Variants in NAV2 observed in about 807,000 individuals in gnomAD.
NAV2 encodes helicase, APC down-regulated 1.
In NAV2, 54 loss-of-function variants were observed where a neutral mutation model predicts 223.2. The ratio of observed to expected loss-of-function variants is 0.24; its 90% confidence interval spans 0.19 to 0.30. NAV2 has a LOEUF of 0.30. Among genes scored for constraint, NAV2 ranks in the 10% least tolerant of loss-of-function variants. The pLI, the probability that NAV2 is intolerant of heterozygous loss-of-function variation, is 1.00. For missense variants in NAV2, 2,806 were observed against 3,147.5 expected (o/e 0.89, Z 2.60); for synonymous variants, 1,279 against 1,239.3 (o/e 1.03, Z -0.67).
Position 19,777,312 on chromosome 11 carries a change from C to T in NAV2, c.268-55172C>T, listed in dbSNP as rs528055402. ...GGCCCCGGGGCGGGGGCGAGGCGAC[C>T]GCGGGCGCCGGGGATGCCTGGAGGG... On this transcript the variant is annotated intron_variant, in intron 1 of 37. Coordinates refer to ENST00000349880, the MANE Select transcript of NAV2 (RefSeq NM_145117.5). Among the ~76,000 whole-genome samples the T allele has an allele frequency of 3.3e-3, 504 of 151,512 alleles. 3 individuals carry two copies. The highest frequency in any genetic ancestry group is 0.011 in the African/African-American group (473 of 41,422).
intron 1 of NAV2, among the ~76,000 whole-genome samples, chr11:19,497,342 T>C (rs1481181271): frequency 1.3e-5 from 2 of 152,228 alleles, no homozygotes; most frequent in African/African-American, 4.8e-5. Flanking sequence ...TGGTGTATAG[T>C]AGGTGCTCAG....
chr11:19,950,287 C>G (rs2047274646), intron 10 of NAV2, among the ~76,000 whole-genome samples: 1 of 152,142 alleles, frequency 6.6e-6, no homozygotes. Context: ...TCCTATATGC[C>G]AAACACAGTG....
chr11:19,516,386 C>A (rs561448981), intron 1 of NAV2, among the ~76,000 whole-genome samples: 1 of 152,192 alleles, frequency 6.6e-6, no homozygotes, highest in Non-Finnish European at 1.5e-5. Context: ...ACTAACAACA[C>A]CGTGGGCGGG....
chr11:20,017,871 T>A (rs1180017394), intron 11 of NAV2, among the ~76,000 whole-genome samples: 1 of 152,248 alleles, frequency 6.6e-6, no homozygotes, highest in African/African-American at 2.4e-5. Context: ...CATCTTTTAA[T>A]GTGTCCCATA....
intron 1 of NAV2, among the ~76,000 whole-genome samples, chr11:19,818,578 T>C (rs936363020): frequency 6.6e-6 from 1 of 152,218 alleles, no homozygotes; most frequent in African/African-American, 2.4e-5. Context: ...TATAATTTAA[T>C]TATTAAAATA....
intron 1 of NAV2, among the ~76,000 whole-genome samples, chr11:19,765,537 C>A (rs568951896): frequency 3.3e-5 from 5 of 151,880 alleles, no homozygotes; most frequent in African/African-American, 1.2e-4. Flanking sequence ...CCTTAACTGA[C>A]GGGCTTACAA....
chr11:19,421,063 T>G (rs537443622), intron 1 of NAV2, among the ~76,000 whole-genome samples: 23 of 152,290 alleles, frequency 1.5e-4, no homozygotes, highest in African/African-American at 5.1e-4. Context: ...AGCCTTGTAC[T>G]GTGGGACGCC....
intron 11 of NAV2, among the ~76,000 whole-genome samples, chr11:20,032,638 C>T: frequency 6.6e-6 from 1 of 152,176 alleles, no homozygotes; most frequent in East Asian, 1.9e-4. Flanking sequence ...CTTTTAATCA[C>T]TAGAACAAAT....
chr11:19,761,762 C>T (rs11601166), intron 1 of NAV2, among the ~76,000 whole-genome samples: 3,902 of 152,320 alleles, frequency 0.026, 71 homozygotes, highest in African/African-American at 0.055. Context: ...AGGACTAATC[C>T]TACCCTCATC....
chr11:19,607,760 C>T (rs977964263), intron 1 of NAV2, among the ~76,000 whole-genome samples: 6 of 152,196 alleles, frequency 3.9e-5, no homozygotes, highest in African/African-American at 1.4e-4. Flanking sequence ...ACTTCATAAT[C>T]ACAGCTTGGA....
At chr11:19,714,071 A>G in intron 1 of NAV2, 109 bp downstream of exon 1, 1 of 1,435,862 alleles carries the variant, frequency 7.0e-7, no homozygotes, top group Non-Finnish European at 9.4e-7. Flanking sequence ...CCATGTGGCC[A>G]GGGAAGGGAA....
At chr11:19,798,889 A>G (rs1034565736) in intron 1 of NAV2, among the ~76,000 whole-genome samples, 1 of 152,200 alleles carries the variant, frequency 6.6e-6, no homozygotes, top group African/African-American at 2.4e-5. Flanking sequence ...CTTGGAAACA[A>G]AATCCCTAAA....
chr11:19,993,098 A>G lies in NAV2; in HGVS notation c.2768+8851A>G, dbSNP rs370748301. Reference sequence around the variant, plus strand: ...AAAGCATAGGCCCCAATCCCAAGTCAGAATTTGACTATATCTGTGCCCTGC... The same window carrying G: ...AAAGCATAGGCCCCAATCCCAAGTCGGAATTTGACTATATCTGTGCCCTGC... On this transcript the variant is annotated intron_variant, in intron 11 of 37. Transcript: ENST00000349880. Among the ~76,000 whole-genome samples, 5 of 152,300 alleles carry G rather than the reference A, an allele frequency of 3.3e-5. No individual in the cohort carries two copies. The South Asian group carries it at 8.3e-4, about 25-fold the overall frequency.
At chr11:19,957,534 G>C (rs969399486) in intron 10 of NAV2, among the ~76,000 whole-genome samples, 5 of 152,170 alleles carry the variant, frequency 3.3e-5, no homozygotes, top group African/African-American at 7.2e-5. Flanking sequence ...ACTAATATCA[G>C]TCATCCCTGA....
At chr11:19,360,942 A>T (rs542341185) in intron 1 of NAV2, among the ~76,000 whole-genome samples, 1 of 152,162 alleles carries the variant, frequency 6.6e-6, no homozygotes, top group African/African-American at 2.4e-5. Flanking sequence ...ACCAGAGAAG[A>T]TGGAGTTCTT....
At chr11:19,896,885 A>G (rs1197504703) in intron 6 of NAV2, among the ~76,000 whole-genome samples, 11 of 152,266 alleles carry the variant, frequency 7.2e-5, no homozygotes, top group Admixed American at 7.2e-4. Flanking sequence ...ATTACTGGGT[A>G]TATACCCAAA....
At chr11:19,574,176 G>A (rs867805254) in intron 1 of NAV2, among the ~76,000 whole-genome samples, 2 of 152,194 alleles carry the variant, frequency 1.3e-5, no homozygotes, top group South Asian at 4.1e-4. Context: ...AGCATTCCTG[G>A]TTCCCACTGC....
intron 6 of NAV2, among the ~76,000 whole-genome samples, chr11:19,899,929 G>A (rs1375886527): frequency 1.3e-5 from 2 of 152,130 alleles, no homozygotes; most frequent in Non-Finnish European, 2.9e-5. Context: ...TCTGTGGTGG[G>A]GTAGGGCCTC....
At chr11:20,070,036 CA>C (rs1371568007) in intron 22 of NAV2, among the ~76,000 whole-genome samples, 1 of 152,186 alleles carries the variant, frequency 6.6e-6, no homozygotes, top group Non-Finnish European at 1.5e-5. Context: ...TAGGAGACCA[CA>C]ACGTGTTTTG....
Sources: gnomAD v4.1 joint callset for allele counts (sites outside exome capture counted in the v4.1 genomes callset) on GRCh38, gnomAD v4.1.1 for gene constraint, MANE v1.5 for transcripts, NCBI Gene and HGNC (gene_info 2026-07-23, HGNC 2026-07-21) for gene names.